Variants in BCL2L13 observed in about 807,000 individuals in gnomAD.
BCL2L13 encodes BCL2 like 13, also known as bcl-2-like protein 13.
BCL2L13 carries 13 observed loss-of-function variants against 25.8 expected under a neutral mutation model. The observed-to-expected ratio is 0.50, with a 90% CI of 0.33 to 0.80. The LOEUF is 0.80. BCL2L13 is among the 30% of genes least tolerant of loss of function. BCL2L13 has a pLI of 0.02. For synonymous variants in BCL2L13, 244 were observed against 230.3 expected (o/e 1.06, Z -0.54); for missense variants, 504 against 574.9 (o/e 0.88, Z 1.26).
At chr22:17,699,727 T>G (rs1051708841) in intron 5 of BCL2L13, among the ~76,000 whole-genome samples, 1 of 152,160 alleles carries the variant, frequency 6.6e-6, no homozygotes, top group Non-Finnish European at 1.5e-5. Context: ...GGATCTAGTT[T>G]TGTTTTAACA....
chr22:17,638,820 G>A lies in BCL2L13; in HGVS notation c.-117G>A. ...GGTCGGAGCACTCACCGCCGCTGGG[G>A]GACCCTGTCGGAAGCAACTGCCGCC... On this transcript the variant is annotated 5_prime_UTR_variant, in exon 1 of 7. Transcript: ENST00000317582. 2.4e-6 allele frequency: 3 copies of A among 1,232,004 alleles called. No individual in the cohort carries two copies. Among genetic ancestry groups the A allele is most frequent in the Non-Finnish European group, 3.0e-6 (3 of 988,228 alleles). The allele number at this position is 1,232,004 out of a possible 1,614,324, so 76.3% of individuals were successfully genotyped here. A position where few individuals can be genotyped will look rare whatever the true frequency, so the allele number is the denominator to read the frequency against.
chr22:17,675,138 T>A (rs1405174574), intron 2 of BCL2L13, among the ~76,000 whole-genome samples: 2 of 152,204 alleles, frequency 1.3e-5, no homozygotes, highest in South Asian at 4.1e-4. Flanking sequence ...CAGGAATCTT[T>A]TACCCCTATA....
chr22:17,655,586 A>C, intron 1 of BCL2L13, 76 bp from the exon 2 acceptor site: 1 of 1,220,014 alleles, frequency 8.2e-7, no homozygotes, highest in South Asian at 1.6e-5. Flanking sequence ...GTTGCACAAG[A>C]CATTTTGGTG....
At chr22:17,630,336 A>G (rs2057984126) in intron 1 of BCL2L13, among the ~76,000 whole-genome samples, 2 of 151,316 alleles carry the variant, frequency 1.3e-5, no homozygotes, top group South Asian at 2.1e-4. Flanking sequence ...CTGCAGTGCA[A>G]CGGCATGGTG....
intron 5 of BCL2L13, among the ~76,000 whole-genome samples, chr22:17,701,630 T>A (rs903203790): frequency 4.6e-5 from 7 of 152,170 alleles, no homozygotes; most frequent in African/African-American, 1.7e-4. Context: ...TCTGCTGTTA[T>A]AAATAATGCT....
chr22:17,671,665 G>T (rs1159841208), intron 2 of BCL2L13, among the ~76,000 whole-genome samples: 1 of 152,018 alleles, frequency 6.6e-6, no homozygotes, highest in Non-Finnish European at 1.5e-5. Context: ...TCTGAGCTCA[G>T]GCGATCTTTA....
chr22:17,631,804 T>G (rs1012237275), intron 1 of BCL2L13, among the ~76,000 whole-genome samples: 119 of 139,066 alleles, frequency 8.6e-4, no homozygotes, highest in African/African-American at 3.1e-3. Context: ...TCACTGCAAC[T>G]TCCACCTCCC....
At chr22:17,680,140 G>A (rs933841063) in intron 2 of BCL2L13, among the ~76,000 whole-genome samples, 5 of 149,094 alleles carry the variant, frequency 3.4e-5, no homozygotes, top group Admixed American at 6.8e-5. Context: ...CTTGAACCCC[G>A]GGGGGCGGAG....
intron 2 of BCL2L13, among the ~76,000 whole-genome samples, chr22:17,662,689 C>T (rs1032699970): frequency 5.3e-5 from 8 of 151,758 alleles, no homozygotes; most frequent in East Asian, 2.0e-4. Context: ...TATGGTAGTG[C>T]GCACCCATAA....
intron 4 of BCL2L13, among the ~76,000 whole-genome samples, chr22:17,691,763 A>C (rs56325249): frequency 0.018 from 2,738 of 152,304 alleles, 77 homozygotes; most frequent in African/African-American, 0.062. Context: ...ATGGTGTAGT[A>C]TAAGCTCTTC....
intron 6 of BCL2L13, among the ~76,000 whole-genome samples, chr22:17,720,158 C>CTTTCTTTCTTTCTTTG (rs1376505174): frequency 1.4e-5 from 2 of 146,300 alleles, no homozygotes; most frequent in African/African-American, 5.4e-5. Context: ...GTTTCATTTT[C>CTTTCTTTCTTTCTTTG]TTTCTTTCTT....
chr22:17,669,692 A>T (rs2059354846), intron 2 of BCL2L13, among the ~76,000 whole-genome samples: 2 of 152,196 alleles, frequency 1.3e-5, no homozygotes, highest in Non-Finnish European at 2.9e-5. Flanking sequence ...AGTAGCCGTT[A>T]CAAATGGATT....
intron 6 of BCL2L13, among the ~76,000 whole-genome samples, chr22:17,714,042 C>T (rs1435561660): frequency 6.6e-6 from 1 of 151,288 alleles, no homozygotes; most frequent in Non-Finnish European, 1.5e-5. Flanking sequence ...ACCTGTAATC[C>T]CAGCACTTTG....
At chr22:17,685,845 C>CA (rs1301966795) in intron 3 of BCL2L13, among the ~76,000 whole-genome samples, 1 of 128,276 alleles carries the variant, frequency 7.8e-6, no homozygotes, top group Non-Finnish European at 1.6e-5. Flanking sequence ...GATCTCGACT[C>CA]ACTGCAAGCT....
intron 2 of BCL2L13, among the ~76,000 whole-genome samples, chr22:17,680,995 G>T (rs549868428): frequency 3.0e-4 from 46 of 152,158 alleles, no homozygotes; most frequent in African/African-American, 1.0e-3. Context: ...CATTAGTGGG[G>T]TGGGGCCAAG....
rs1051634919 is a variant in BCL2L13, at chr22:17,728,539, A to G, written c.*1005A>G. 2.0e-5 allele frequency: 3 copies of G among 152,172 alleles called. No individual in the cohort carries two copies. The highest frequency in any genetic ancestry group is 1.9e-4 in the East Asian group (1 of 5,192). 9.4% of individuals were successfully genotyped at this position (152,172 alleles called of 1,614,324 possible). The stretch of plus-strand genomic sequence containing the variant: ...CTCTATTGCTGGATGGTCCCTGTCT[A>G]TAACCTTGGGCTAGTATATTTTTTC... On this transcript the variant is annotated 3_prime_UTR_variant, in exon 7 of 7. Coordinates refer to ENST00000317582, the MANE Select transcript of BCL2L13 (RefSeq NM_015367.4).
chr22:17,644,063 G>A (rs1373098967), intron 1 of BCL2L13, among the ~76,000 whole-genome samples: 1 of 150,612 alleles, frequency 6.6e-6, no homozygotes, highest in Admixed American at 6.6e-5. Context: ...GATGCACACC[G>A]CCACACCCAG....
intron 1 of BCL2L13, among the ~76,000 whole-genome samples, chr22:17,649,176 C>T (rs1454912446): frequency 6.6e-6 from 1 of 152,046 alleles, no homozygotes; most frequent in East Asian, 1.9e-4. Context: ...CGGCTCACTG[C>T]AACTTCTGCC....
At chr22:17,646,062 G>T (rs1353648715) in intron 1 of BCL2L13, among the ~76,000 whole-genome samples, 1 of 151,438 alleles carries the variant, frequency 6.6e-6, no homozygotes, top group African/African-American at 2.5e-5. Context: ...TTTGTATAAG[G>T]AACTTGAGCA....
Sources: gnomAD v4.1 joint callset for allele counts (sites outside exome capture counted in the v4.1 genomes callset) on GRCh38, gnomAD v4.1.1 for gene constraint, MANE v1.5 for transcripts, NCBI Gene and HGNC (gene_info 2026-07-23, HGNC 2026-07-21) for gene names.